OSBPL11: variants seen among roughly 807,000 people sequenced by gnomAD.
The protein encoded by OSBPL11 is oxysterol binding protein like 11.
A neutral mutation model predicts 84.4 loss-of-function variants in OSBPL11; 33 were observed. The observed-to-expected ratio is 0.39, with a 90% CI of 0.30 to 0.52. OSBPL11 has a LOEUF of 0.52. Among genes scored for constraint, OSBPL11 ranks in the 20% least tolerant of loss-of-function variants. The pLI is 0.72. For synonymous variants in OSBPL11, 276 were observed against 310.2 expected, an observed-to-expected ratio of 0.89 and a Z score of 1.16; for missense variants, 736 against 901.1, an observed-to-expected ratio of 0.82 and a Z score of 2.35.
intron 8 of OSBPL11, among the ~76,000 whole-genome samples, chr3:125,553,991 C>G (rs192006990): frequency 1.3e-5 from 2 of 152,306 alleles, no homozygotes; most frequent in Non-Finnish European, 2.9e-5. Context: ...TTACAATATG[C>G]ACAGATTCCT....
At chr3:125,539,611 A>C (rs11920627) in intron 10 of OSBPL11, among the ~76,000 whole-genome samples, 10,123 of 151,792 alleles carry the variant, frequency 0.067, 455 homozygotes, top group Non-Finnish European at 0.098. Flanking sequence ...CATCATGCCC[A>C]GCTAATTTTT....
Position 125,529,313 on chromosome 3 carries a change from T to A in OSBPL11, c.*1202A>T, listed in dbSNP as rs1935522606. The A allele has an allele frequency of 6.6e-6, 1 of 152,274 alleles. No homozygotes were observed. Among genetic ancestry groups the A allele is most frequent in the African/African-American group, 2.4e-5 (1 of 41,450 alleles). 9.4% of individuals were successfully genotyped at this position (152,274 alleles called of 1,614,324 possible). A position where few individuals can be genotyped will look rare whatever the true frequency, so the allele number is the denominator to read the frequency against. ...TGATGAAAGCCATAATTAGCTCTAT[T>A]CTTTTAATTGCCAGCAATTCTTCAA... On this transcript the variant is annotated 3_prime_UTR_variant, in exon 13 of 13. Transcript: ENST00000296220.
At chr3:125,581,356 T>C (rs142560602) in intron 2 of OSBPL11, among the ~76,000 whole-genome samples, 14,755 of 150,940 alleles carry the variant, frequency 0.098, 797 homozygotes, top group Middle Eastern at 0.11. Context: ...CCTCCCAAAG[T>C]GCTTGGATTA....
intron 4 of OSBPL11, among the ~76,000 whole-genome samples, 159 bp downstream of exon 4, chr3:125,578,801 C>T (rs963014071): frequency 4.0e-5 from 6 of 151,734 alleles, no homozygotes; most frequent in African/African-American, 1.5e-4. Context: ...AATGGTTGAA[C>T]CACCTTGTGA....
intron 8 of OSBPL11, among the ~76,000 whole-genome samples, chr3:125,553,552 A>C (rs1401507012): frequency 6.6e-6 from 1 of 152,206 alleles, no homozygotes; most frequent in African/African-American, 2.4e-5. Context: ...GAGAAAGCAA[A>C]ATCTGGCAAT....
chr3:125,585,485 CTAA>C (rs1936493383), intron 1 of OSBPL11, among the ~76,000 whole-genome samples: 4 of 150,684 alleles, frequency 2.7e-5, no homozygotes, highest in Admixed American at 2.0e-4. Flanking sequence ...GTTTAATTTT[CTAA>C]TGTTATTAAT....
chr3:125,583,055 T>C (rs1459450709), intron 1 of OSBPL11, 77 bp from the exon 2 acceptor site: 29 of 972,956 alleles, frequency 3.0e-5, no homozygotes, highest in Non-Finnish European at 1.5e-6. Context: ...ATTTTCAAAA[T>C]AGCTGCAGAT....
chr3:125,562,897 G>A (rs532496828), intron 7 of OSBPL11, among the ~76,000 whole-genome samples: 31 of 152,100 alleles, frequency 2.0e-4, no homozygotes, highest in Admixed American at 2.0e-3. Context: ...TTGCACTCCA[G>A]CCTGGGCAAT....
intron 2 of OSBPL11, among the ~76,000 whole-genome samples, chr3:125,581,056 A>G (rs1936416322): frequency 6.6e-6 from 1 of 152,114 alleles, no homozygotes; most frequent in Non-Finnish European, 1.5e-5. Context: ...AACTACTTTC[A>G]AAAATACATT....
chr3:125,543,954 A>G (rs1008891479), intron 10 of OSBPL11, among the ~76,000 whole-genome samples: 5 of 152,322 alleles, frequency 3.3e-5, no homozygotes, highest in Admixed American at 6.5e-5. Context: ...TCATTTGACA[A>G]TAACTGAGTT....
In OSBPL11 at chr3:125,552,221, C is replaced by T. The variant is rs564619745; in HGVS notation, c.1614G>A (p.Lys538=). 1 of 1,612,940 alleles carries T rather than the reference C, an allele frequency of 6.2e-7. No homozygotes were observed. Among genetic ancestry groups the T allele is most frequent in the East Asian group, 2.2e-5 (1 of 44,862 alleles). Residue 538 remains lysine (K), a synonymous_variant, in exon 9 of 13, where the codon AAG becomes AAA. Coordinates refer to ENST00000296220, the MANE Select transcript of OSBPL11 (RefSeq NM_022776.5). ...CVNAHVWTKS[K]FLGMSIGVTM... is the part of the protein sequence containing the mutation. ...TCACGCCTATTGACATGCCTAAGAA[C>T]TTGCTCTTAGTCCAGACATGCGCAT... is the stretch of plus-strand genomic sequence containing the variant.
At chr3:125,544,170 C>T (rs940940542) in intron 10 of OSBPL11, among the ~76,000 whole-genome samples, 5 of 151,602 alleles carry the variant, frequency 3.3e-5, no homozygotes, top group Admixed American at 2.0e-4. Flanking sequence ...AGTCTCCTGC[C>T]TCAGCCTCCC....
intron 2 of OSBPL11, among the ~76,000 whole-genome samples, chr3:125,581,870 G>A (rs973111921): frequency 7.9e-5 from 12 of 151,970 alleles, no homozygotes; most frequent in African/African-American, 2.4e-4. Flanking sequence ...CAGCTACTTA[G>A]GAGGCTGGGG....
chr3:125,545,474 T>C (rs754901072), intron 10 of OSBPL11, among the ~76,000 whole-genome samples: 1 of 152,242 alleles, frequency 6.6e-6, no homozygotes, highest in Non-Finnish European at 1.5e-5. Flanking sequence ...ATATGAGTTT[T>C]TCCTAAAAGC....
At chr3:125,581,351 C>T (rs1309442636) in intron 2 of OSBPL11, among the ~76,000 whole-genome samples, 2 of 151,622 alleles carry the variant, frequency 1.3e-5, no homozygotes, top group African/African-American at 4.8e-5. Flanking sequence ...CTCGGCCTCC[C>T]AAAGTGCTTG....
chr3:125,594,539 A>G (rs1260159389), intron 1 of OSBPL11, 98 bp downstream of exon 1: 1 of 1,427,968 alleles, frequency 7.0e-7, no homozygotes, highest in African/African-American at 1.4e-5. Flanking sequence ...GAAGCCAGTG[A>G]AAAAACTTTT....
At chr3:125,586,099 G>A (rs1178932250) in intron 1 of OSBPL11, among the ~76,000 whole-genome samples, 4 of 152,044 alleles carry the variant, frequency 2.6e-5, no homozygotes, top group African/African-American at 4.8e-5. Context: ...AAAATAAAAT[G>A]TGCAAATTTT....
At chr3:125,554,671 G>A (rs536395626) in intron 8 of OSBPL11, among the ~76,000 whole-genome samples, 1 of 152,060 alleles carries the variant, frequency 6.6e-6, no homozygotes, top group South Asian at 2.1e-4. Context: ...TATCTTCAGA[G>A]AATTAAGAAG....
chr3:125,577,689 C>A (rs533631099), intron 4 of OSBPL11, among the ~76,000 whole-genome samples: 3 of 151,922 alleles, frequency 2.0e-5, no homozygotes, highest in African/African-American at 7.3e-5. Flanking sequence ...ATTAGCCGGG[C>A]GTGGTGGCAG....
Sources: allele counts gnomAD v4.1 joint callset (sites outside exome capture counted in the v4.1 genomes callset), GRCh38; gene constraint gnomAD v4.1.1; transcripts MANE v1.5; gene names NCBI Gene and HGNC (gene_info 2026-07-23, HGNC 2026-07-21).